Variants in PPP1R12B observed in about 807,000 individuals in gnomAD.
PPP1R12B encodes the protein protein phosphatase 1 regulatory subunit 12B.
PPP1R12B carries 76 observed loss-of-function variants against 126.1 expected under a neutral mutation model. The observed-to-expected ratio is 0.60, with a 90% confidence interval of 0.50 to 0.73. PPP1R12B has a LOEUF of 0.73. PPP1R12B is among the 30% of genes least tolerant of loss of function. The probability of loss-of-function intolerance (pLI) is 0.00; values close to 1 mark genes in which losing one functional copy is unlikely to be tolerated. For missense variants in PPP1R12B, 1,052 were observed against 1,205.1 expected (o/e 0.87, Z 1.88); for synonymous variants, 356 against 434.7 (o/e 0.82, Z 2.25).
At chr1:202,358,821 T>C (rs1018356337) in intron 1 of PPP1R12B, among the ~76,000 whole-genome samples, 40 of 152,246 alleles carry the variant, frequency 2.6e-4, no homozygotes, top group African/African-American at 9.4e-4. Flanking sequence ...ATATTTAGTA[T>C]ACTTAAATGT....
rs1219510183 is a variant in PPP1R12B, at chr1:202,586,713, G to A, written c.*6153G>A. On this transcript the variant is annotated 3_prime_UTR_variant, in exon 24 of 24. Transcript: ENST00000608999. ...AGATGCATTCACTTCTCCTTTGAGA[G>A]TTGGGGTTGAGGGCAAACATAGAAC... 1.3e-5 allele frequency: 2 copies of A among 152,260 alleles called. No individual in the cohort carries two copies. Among genetic ancestry groups the A allele is most frequent in the African/African-American group, 2.4e-5 (1 of 41,466 alleles). 9.4% of individuals were successfully genotyped at this position (152,260 alleles called of 1,614,324 possible). A position where few individuals can be genotyped will look rare whatever the true frequency, so the allele number is the denominator to read the frequency against.
chr1:202,495,660 G>C lies in PPP1R12B; in HGVS notation c.2426G>C (p.Gly809Ala), dbSNP rs1415796107. 5 of 1,614,092 alleles carry C rather than the reference G, an allele frequency of 3.1e-6. No individual in the cohort carries two copies. In the South Asian group the frequency reaches 3.3e-5, roughly 11 times the overall value. Residue 809 changes from glycine (G) to alanine (A), a missense_variant, in exon 17 of 24, where the codon GGC (glycine) becomes GCC (alanine). By Grantham distance (60) the Gly-to-Ala change is moderately conservative. Coordinates refer to ENST00000608999, the MANE Select transcript of PPP1R12B (RefSeq NM_002481.4). Reference sequence around the variant, plus strand: ...CCCAAGGAACGACGAAGAGGCACAGGCATCAATTTCTGGACAAAGGATGTA... The same window carrying C: ...CCCAAGGAACGACGAAGAGGCACAGCCATCAATTTCTGGACAAAGGATGTA... ...RRPKERRRGT[G>A]INFWTKDEDE... is the part of the protein sequence containing the mutation.
intron 12 of PPP1R12B, among the ~76,000 whole-genome samples, chr1:202,444,755 T>A (rs1298243698): frequency 6.6e-6 from 1 of 152,220 alleles, no homozygotes; most frequent in African/African-American, 2.4e-5. Flanking sequence ...ACTTTCCTGC[T>A]TTCCCTCATT....
chr1:202,412,704 A>C (rs1382587463), intron 1 of PPP1R12B, among the ~76,000 whole-genome samples: 3 of 152,258 alleles, frequency 2.0e-5, no homozygotes, highest in Non-Finnish European at 2.9e-5. Flanking sequence ...TACTAAGGGC[A>C]AAGAGTGTTT....
At chr1:202,572,120 T>C (rs984440879) in intron 23 of PPP1R12B, among the ~76,000 whole-genome samples, 4 of 152,262 alleles carry the variant, frequency 2.6e-5, no homozygotes, top group Non-Finnish European at 4.4e-5. Flanking sequence ...CTATGGTTTA[T>C]GGTGACCAAC....
At chr1:202,469,933 A>G (rs1397370977) in intron 13 of PPP1R12B, among the ~76,000 whole-genome samples, 1 of 152,214 alleles carries the variant, frequency 6.6e-6, no homozygotes, top group Non-Finnish European at 1.5e-5. Context: ...TTTTAGGGGT[A>G]GGAGATTACA....
intron 23 of PPP1R12B, among the ~76,000 whole-genome samples, chr1:202,572,213 A>G (rs1300007254): frequency 6.6e-6 from 1 of 152,236 alleles, no homozygotes; most frequent in Non-Finnish European, 1.5e-5. Flanking sequence ...ACTGGGACCC[A>G]GTAGAGCTTG....
intron 18 of PPP1R12B, among the ~76,000 whole-genome samples, chr1:202,536,475 T>C (rs1684541518): frequency 6.6e-6 from 1 of 152,182 alleles, no homozygotes; most frequent in African/African-American, 2.4e-5. Flanking sequence ...TGAATGCACC[T>C]TACAGGACTA....
rs1161276483 is a variant in PPP1R12B, at chr1:202,567,794, C to T, written c.2774C>T (p.Thr925Ile). 6.2e-7 allele frequency: 1 copy of T among 1,613,912 alleles called. No individual in the cohort carries two copies. Among genetic ancestry groups the T allele is most frequent in the African/African-American group, 1.3e-5 (1 of 74,904 alleles). Residue 925 changes from threonine to isoleucine, a missense_variant, in exon 22 of 24, where the codon ACC becomes ATC. Transcript: ENST00000608999. ...EKVAQQKQEK[T>I]SDRSSVLEME... Reference sequence around the variant, plus strand: ...TTGCACCAGCAGAAACAAGAAAAGACCTCTGACCGATCATCAGTGCTGGAG... The same window carrying T: ...TTGCACCAGCAGAAACAAGAAAAGATCTCTGACCGATCATCAGTGCTGGAG...
intron 1 of PPP1R12B, among the ~76,000 whole-genome samples, chr1:202,353,656 C>A (rs1656481295): frequency 1.3e-5 from 2 of 148,510 alleles, no homozygotes; most frequent in South Asian, 4.2e-4. Flanking sequence ...GTTACCCAGA[C>A]TGGAGTGTGG....
At chr1:202,447,397 A>G (rs1476070727) in intron 12 of PPP1R12B, among the ~76,000 whole-genome samples, 2 of 152,186 alleles carry the variant, frequency 1.3e-5, no homozygotes, top group African/African-American at 2.4e-5. Flanking sequence ...TGCTGAGTTT[A>G]TATTTTATTC....
At chr1:202,502,734 A>C (rs919362399) in intron 18 of PPP1R12B, 2 of 153,774 alleles carry the variant, frequency 1.3e-5, no homozygotes, top group Non-Finnish European at 2.9e-5. Flanking sequence ...TGACATTATA[A>C]GTAGGGTGGT....
intron 1 of PPP1R12B, among the ~76,000 whole-genome samples, chr1:202,374,493 C>CTT (rs1160730172): frequency 0.67 from 59,665 of 89,512 alleles, 21,598 homozygotes; most frequent in East Asian, 0.84. Context: ...TTGTCTCTCT[C>CTT]TTTTTTTTTT....
intron 13 of PPP1R12B, among the ~76,000 whole-genome samples, chr1:202,452,231 T>A (rs1220713362): frequency 1.3e-5 from 2 of 152,008 alleles, no homozygotes; most frequent in African/African-American, 4.8e-5. Flanking sequence ...CGAGCCGAGA[T>A]CACGCCACTG....
chr1:202,438,434 C>T (rs948088601), intron 10 of PPP1R12B: 19 of 454,074 alleles, frequency 4.2e-5, no homozygotes, highest in South Asian at 9.7e-5. Context: ...CCTCTGCCCC[C>T]GCCTCCTGCC....
intron 13 of PPP1R12B, 52 bp from the exon 14 acceptor site, chr1:202,488,481 A>T: frequency 7.4e-7 from 1 of 1,351,828 alleles, no homozygotes; most frequent in African/African-American, 1.4e-5. Flanking sequence ...GTCATTCCTC[A>T]AGTATATGCA....
At chr1:202,567,959 C>G in intron 22 of PPP1R12B, 128 bp downstream of exon 22, 1 of 1,106,288 alleles carries the variant, frequency 9.0e-7, no homozygotes, top group Non-Finnish European at 1.3e-6. Context: ...CATTCCATTC[C>G]CAGCTTGATG....
chr1:202,391,628 T>C (rs1664184885), intron 1 of PPP1R12B, among the ~76,000 whole-genome samples: 1 of 137,900 alleles, frequency 7.3e-6, no homozygotes, highest in Non-Finnish European at 1.6e-5. Flanking sequence ...TCTTCAGGTG[T>C]ACTGAAGATA....
chr1:202,483,495 C>G (rs1340997043), intron 13 of PPP1R12B, among the ~76,000 whole-genome samples: 3 of 152,052 alleles, frequency 2.0e-5, no homozygotes, highest in Non-Finnish European at 4.4e-5. Context: ...CCCAAAATCC[C>G]AGTGAGTAGT....
Sources: gnomAD v4.1 joint callset for allele counts (sites outside exome capture counted in the v4.1 genomes callset) on GRCh38, gnomAD v4.1.1 for gene constraint, MANE v1.5 for transcripts, NCBI Gene and HGNC (gene_info 2026-07-23, HGNC 2026-07-21) for gene names.